PPP1R13B: variants seen among roughly 807,000 people sequenced by gnomAD.
The protein encoded by PPP1R13B is apoptosis-stimulating of p53 protein 1.
PPP1R13B carries 44 observed loss-of-function variants against 119.8 expected under a neutral mutation model. The ratio of observed to expected loss-of-function variants is 0.37; its 90% CI spans 0.29 to 0.47. PPP1R13B has a LOEUF of 0.47. PPP1R13B is among the 20% of genes least tolerant of loss of function. PPP1R13B has a pLI of 0.99. For synonymous variants in PPP1R13B, 542 were observed against 561.5 expected (o/e 0.97, Z 0.49); for missense variants, 1,227 against 1,413.5 (o/e 0.87, Z 2.12).
upstream of PPP1R13B, chr14:103,848,631 GC>G: frequency 2.4e-6 from 1 of 414,506 alleles, no homozygotes; most frequent in Non-Finnish European, 3.2e-6. Context: ...GGAAGCGCCG[GC>G]CCAGTGGAGA....
chr14:103,773,556 G>T (rs1410394221), intron 4 of PPP1R13B, among the ~76,000 whole-genome samples: 1 of 152,182 alleles, frequency 6.6e-6, no homozygotes, highest in Non-Finnish European at 1.5e-5. Context: ...ACTAACAGCA[G>T]TGCACACAAC....
At chr14:103,749,757 CTT>C in intron 8 of PPP1R13B, 35 bp downstream of exon 8, 2 of 1,597,852 alleles carry the variant, frequency 1.3e-6, no homozygotes, top group Non-Finnish European at 1.7e-6. Context: ...GATAAACTAT[CTT>C]TAGTAGTTTA....
At chr14:103,814,805 C>A (rs1026898612) in intron 1 of PPP1R13B, among the ~76,000 whole-genome samples, 2 of 151,974 alleles carry the variant, frequency 1.3e-5, no homozygotes, top group Admixed American at 6.6e-5. Flanking sequence ...ATTAGCCGGG[C>A]ATGGTGGTGG....
rs1275136921 is a variant in PPP1R13B, at chr14:103,786,786, AAAG to A, written c.158-1875_158-1873del. Among the ~76,000 whole-genome samples the A allele has an allele frequency of 1.1e-4, 16 of 150,866 alleles. 2 individuals carry two copies. Among genetic ancestry groups the A allele is most frequent in the African/African-American group, 3.9e-4 (16 of 41,136 alleles). ...TGTCTCAAAAAAAAAAAAAAAAAAA[AAAG>A]GCTGGTCATGGTGGTGCACGCCTGT... is the stretch of plus-strand genomic sequence containing the variant. On this transcript the variant is annotated intron_variant, in intron 2 of 16. Coordinates refer to ENST00000202556, the MANE Select transcript of PPP1R13B (RefSeq NM_015316.3).
chr14:103,781,217 A>C (rs920754063), intron 3 of PPP1R13B, among the ~76,000 whole-genome samples: 1 of 152,230 alleles, frequency 6.6e-6, no homozygotes, highest in Non-Finnish European at 1.5e-5. Flanking sequence ...TAGATAAGTG[A>C]GGGAGGGTAT....
At position 103,736,107 on chromosome 14, in the gene PPP1R13B, C is replaced by T. The variant is rs1473523013; in HGVS notation, c.3127G>A (p.Gly1043Arg). The T allele has an allele frequency of 1.9e-6, 3 of 1,614,226 alleles. No homozygotes were observed. Among genetic ancestry groups the T allele is most frequent in the Non-Finnish European group, 2.5e-6 (3 of 1,180,034 alleles). ...QNSDELSFHE[G>R]DALTILRRKD... ...CGCCTCAGGATGGTGAGGGCGTCCC[C>T]TTCGTGGAAGGACAGCTCGTCACTG... is the stretch of plus-strand genomic sequence containing the variant. The change falls in exon 16 of 17, where the codon GGG (glycine) becomes AGG (arginine). Residue 1043 changes from glycine to arginine, a missense_variant. Physicochemically the swap from Gly to Arg is moderately radical, Grantham distance 125. Coordinates refer to ENST00000202556, the MANE Select transcript of PPP1R13B (RefSeq NM_015316.3).
rs1191710430 is a variant in PPP1R13B at position 103,733,522 on chromosome 14, G to A, written c.*1632C>T. 6.5e-6 allele frequency: 1 copy of A among 154,918 alleles called. No individual in the cohort carries two copies. Among genetic ancestry groups the A allele is most frequent in the Non-Finnish European group, 1.4e-5 (1 of 69,600 alleles). The allele number at this position is 154,918 out of a possible 1,614,324, so 9.6% of individuals were successfully genotyped here. A position where few individuals can be genotyped will look rare whatever the true frequency, so the allele number is the denominator to read the frequency against. On this transcript the variant is annotated 3_prime_UTR_variant, in exon 17 of 17. Coordinates refer to ENST00000202556, the MANE Select transcript of PPP1R13B (RefSeq NM_015316.3). The stretch of plus-strand genomic sequence containing the variant: ...CTTGTCACTAATTTGGGGCTTCTGG[G>A]CTGTGAGTGATCCTTTGATACTTCA...
At chr14:103,833,769 T>C (rs546418155) in intron 1 of PPP1R13B, among the ~76,000 whole-genome samples, 11 of 152,314 alleles carry the variant, frequency 7.2e-5, no homozygotes, top group Admixed American at 6.5e-4. Context: ...CCCAACATCC[T>C]GAGGTTGAGA....
chr14:103,771,544 G>A (rs1007213521), intron 4 of PPP1R13B, among the ~76,000 whole-genome samples: 27 of 141,768 alleles, frequency 1.9e-4, no homozygotes, highest in African/African-American at 6.9e-4. Flanking sequence ...GCGATGGCGT[G>A]ATCTCAGCTC....
chr14:103,812,131 T>C (rs1172765772), intron 1 of PPP1R13B, among the ~76,000 whole-genome samples: 1 of 147,628 alleles, frequency 6.8e-6, no homozygotes, highest in Non-Finnish European at 1.5e-5. Context: ...TGTGTGGTTT[T>C]TTTTTTTTTT....
At chr14:103,758,854 T>C (rs1482992036) in intron 4 of PPP1R13B, among the ~76,000 whole-genome samples, 1 of 152,236 alleles carries the variant, frequency 6.6e-6, no homozygotes, top group African/African-American at 2.4e-5. Context: ...TAATTCTTAA[T>C]AGTCAGTTAC....
Position 103,784,906 on chromosome 14 carries a change from T to A in PPP1R13B, c.166A>T (p.Ile56Leu). Residue 56 changes from isoleucine (I) to leucine (L), a missense_variant, in exon 3 of 17, where the codon ATA becomes TTA. Coordinates refer to ENST00000202556, the MANE Select transcript of PPP1R13B (RefSeq NM_015316.3). ...AEVWRGNERP[I>L]PFDHMMYEHL... is the part of the protein sequence containing the mutation. ...TCGTACATCATATGATCAAAGGGTA[T>A]GGGACGTTCTAGGAAAAAGACCACA... 1 of 1,570,476 alleles carries A rather than the reference T, an allele frequency of 6.4e-7. No homozygotes were observed. The highest frequency in any genetic ancestry group is 8.7e-7 in the Non-Finnish European group (1 of 1,147,994).
At position 103,751,502 on chromosome 14, in the gene PPP1R13B, A is replaced by G. The variant is rs2084544238; in HGVS notation, c.828+1498T>C. On this transcript the variant is annotated intron_variant, in intron 7 of 16. Transcript: ENST00000202556. ...ATCGCCTGCTGAATGACAACTTCTG[A>G]GACATGAAAATCTTAAGGATTGTTA... 1.3e-5 allele frequency among the ~76,000 whole-genome samples: 2 copies of G among 152,234 alleles called. 1 individual carries two copies. The highest frequency in any genetic ancestry group is 4.1e-4 in the South Asian group (2 of 4,836).
intron 1 of PPP1R13B, among the ~76,000 whole-genome samples, chr14:103,815,103 CATA>C (rs1274008009): frequency 6.6e-6 from 1 of 151,948 alleles, no homozygotes; most frequent in Non-Finnish European, 1.5e-5. Flanking sequence ...ATTATTTGAC[CATA>C]AAAAGGATTC....
intron 4 of PPP1R13B, among the ~76,000 whole-genome samples, chr14:103,770,198 T>A (rs2085033947): frequency 6.6e-6 from 1 of 151,390 alleles, no homozygotes. Context: ...CGGCCCAATA[T>A]GAATAAATTT....
chr14:103,825,550 G>A (rs2086518527), intron 1 of PPP1R13B, among the ~76,000 whole-genome samples: 1 of 152,170 alleles, frequency 6.6e-6, no homozygotes, highest in African/African-American at 2.4e-5. Context: ...TTAGTAGTCT[G>A]GATCAATAAA....
At chr14:103,798,234 C>G (rs2085808421) in intron 1 of PPP1R13B, among the ~76,000 whole-genome samples, 1 of 148,178 alleles carries the variant, frequency 6.7e-6, no homozygotes, top group Admixed American at 6.8e-5. Context: ...TCACTGCAAG[C>G]TCTGCCTCCC....
chr14:103,835,861 G>A (rs1243122069), intron 1 of PPP1R13B, among the ~76,000 whole-genome samples: 2 of 151,612 alleles, frequency 1.3e-5, no homozygotes, highest in Non-Finnish European at 2.9e-5. Flanking sequence ...CGCCTGCCTC[G>A]GCCTCCCAAA....
At chr14:103,791,945 CTTATCATTTAGTAGCTTTATTT>C (rs1387897353) in intron 2 of PPP1R13B, among the ~76,000 whole-genome samples, 1 of 152,012 alleles carries the variant, frequency 6.6e-6, no homozygotes, top group Non-Finnish European at 1.5e-5. Flanking sequence ...ATTGCTTAGG[CTTATCATTTAGTAGCTTTATTT>C]TTAGTTGTTT....
Sources: allele counts gnomAD v4.1 joint callset (sites outside exome capture counted in the v4.1 genomes callset), GRCh38; gene constraint gnomAD v4.1.1; transcripts MANE v1.5; gene names NCBI Gene and HGNC (gene_info 2026-07-23, HGNC 2026-07-21).